GRM7: variants seen among roughly 807,000 people sequenced by gnomAD.
The protein encoded by GRM7 is glutamate metabotropic receptor 7, also known as metabotropic glutamate receptor 7.
Under a neutral mutation model 84.5 loss-of-function variants are expected in GRM7, and 35 were observed. The observed-to-expected ratio is 0.41, with a 90% confidence interval of 0.32 to 0.55. The LOEUF is 0.55. GRM7 is among the 20% of genes least tolerant of loss of function. The pLI is 0.19. For synonymous variants in GRM7, 487 were observed against 455.1 expected (o/e 1.07, Z -0.89); for missense variants, 1,003 against 1,194.6 (o/e 0.84, Z 2.36).
intron 1 of GRM7, among the ~76,000 whole-genome samples, chr3:6,991,754 T>C (rs1259135309): frequency 6.6e-6 from 1 of 152,128 alleles, no homozygotes; most frequent in Non-Finnish European, 1.5e-5. Flanking sequence ...ATTCTGTTAG[T>C]TACCATTTGT....
At chr3:7,041,095 A>T (rs2124941129) in intron 1 of GRM7, among the ~76,000 whole-genome samples, 1 of 152,154 alleles carries the variant, frequency 6.6e-6, no homozygotes, top group Non-Finnish European at 1.5e-5. Context: ...AAAAAAAAAA[A>T]AAAAATTATG....
rs1452042201 is a variant in GRM7, at chr3:7,696,844, T to A, written c.2698+16549T>A. 2.0e-5 allele frequency among the ~76,000 whole-genome samples: 3 copies of A among 152,180 alleles called. No individual in the cohort carries two copies. In the East Asian group the frequency reaches 5.8e-4, roughly 29 times the overall value. Reference sequence around the variant, plus strand: ...CGTGAACAGTTAATAATGTTTTACATTAGCTAGAGGAGTTTCTGCTGTCAA... The same window carrying A: ...CGTGAACAGTTAATAATGTTTTACAATAGCTAGAGGAGTTTCTGCTGTCAA... On this transcript the variant is annotated intron_variant, in intron 9 of 9. Coordinates refer to ENST00000357716, the MANE Select transcript of GRM7 (RefSeq NM_000844.4).
intron 1 of GRM7, among the ~76,000 whole-genome samples, chr3:7,055,687 C>T (rs566198126): frequency 2.0e-5 from 3 of 151,772 alleles, no homozygotes; most frequent in African/African-American, 7.2e-5. Flanking sequence ...CATCCAGCAA[C>T]TTTTTGTATT....
chr3:6,911,198 T>A (rs1165515531), intron 1 of GRM7, among the ~76,000 whole-genome samples: 1 of 152,148 alleles, frequency 6.6e-6, no homozygotes, highest in African/African-American at 2.4e-5. Flanking sequence ...CACATTCAAA[T>A]AATTTTTTCT....
At chr3:7,065,101 A>G (rs528037086) in intron 1 of GRM7, among the ~76,000 whole-genome samples, 37 of 151,972 alleles carry the variant, frequency 2.4e-4, no homozygotes, top group African/African-American at 8.7e-4. Context: ...CCTTTGTCAG[A>G]TGTACAGATT....
intron 1 of GRM7, among the ~76,000 whole-genome samples, chr3:7,048,140 A>G (rs1460847961): frequency 6.6e-6 from 1 of 151,890 alleles, no homozygotes. Flanking sequence ...TATATTTTTA[A>G]TTATTTCTGA....
intron 2 of GRM7, among the ~76,000 whole-genome samples, chr3:7,261,698 T>C (rs1409886739): frequency 1.3e-5 from 2 of 152,254 alleles, no homozygotes; most frequent in Non-Finnish European, 2.9e-5. Context: ...CTGGTCTGTG[T>C]ACTTACGTGT....
At chr3:7,668,469 C>T (rs778911828) in intron 8 of GRM7, among the ~76,000 whole-genome samples, 15 of 152,238 alleles carry the variant, frequency 9.9e-5, no homozygotes, top group Non-Finnish European at 1.8e-4. Context: ...CTTTCTCTCT[C>T]TCTCTTTTAC....
Position 7,579,096 on chromosome 3 carries a change from A to C in GRM7, c.2190A>C (p.Ile730=), listed in dbSNP as rs1695112589. The C allele has an allele frequency of 3.1e-6, 5 of 1,613,980 alleles. No homozygotes were observed. The highest frequency in any genetic ancestry group is 2.5e-6 in the Non-Finnish European group (3 of 1,179,892). The part of the protein sequence containing the change: ...WFGVDPPNII[I]DYDEHKTMNP... ...GTGTTGATCCACCCAACATCATCAT[A>C]GACTATGATGAACACAAGACAATGA... The change falls in exon 8 of 10, where the codon ATA becomes ATC. Residue 730 remains isoleucine, a synonymous_variant. Coordinates refer to ENST00000357716, the MANE Select transcript of GRM7 (RefSeq NM_000844.4).
At chr3:6,912,758 A>G (rs1470553025) in intron 1 of GRM7, among the ~76,000 whole-genome samples, 8 of 152,196 alleles carry the variant, frequency 5.3e-5, no homozygotes, top group Non-Finnish European at 1.0e-4. Context: ...CCTAGAAAAA[A>G]TGCTAAAATA....
intron 7 of GRM7, among the ~76,000 whole-genome samples, chr3:7,522,041 G>A (rs1481940670): frequency 1.3e-5 from 2 of 152,042 alleles, no homozygotes; most frequent in East Asian, 3.9e-4. Flanking sequence ...ACTCATATAG[G>A]GTTCCAGCTG....
At chr3:7,299,933 G>A (rs1344977332) in intron 3 of GRM7, among the ~76,000 whole-genome samples, 1 of 151,732 alleles carries the variant, frequency 6.6e-6, no homozygotes, top group East Asian at 1.9e-4. Context: ...TCTACAATGT[G>A]TTATGCAATG....
At position 7,175,347 on chromosome 3, in the gene GRM7, T is replaced by C. The variant is rs113897767; in HGVS notation, c.736+28679T>C. On this transcript the variant is annotated intron_variant, in intron 2 of 9. Transcript: ENST00000357716. ...TTTTATAATATTTAATAATTTTACA[T>C]TCTGAGTTATTTATTCATGTTTTAA... is the stretch of plus-strand genomic sequence containing the variant. Among the ~76,000 whole-genome samples, 663 of 152,324 alleles carry C rather than the reference T, an allele frequency of 4.4e-3. 5 individuals carry two copies. The highest frequency in any genetic ancestry group is 0.015 in the African/African-American group (629 of 41,576).
chr3:7,167,320 A>G (rs879625567), intron 2 of GRM7, among the ~76,000 whole-genome samples: 1 of 152,164 alleles, frequency 6.6e-6, no homozygotes, highest in Non-Finnish European at 1.5e-5. Context: ...CCTCATCAGT[A>G]TGTTGTGATG....
chr3:6,917,778 G>GA (rs1156572027), intron 1 of GRM7, among the ~76,000 whole-genome samples: 4 of 152,090 alleles, frequency 2.6e-5, no homozygotes, highest in Non-Finnish European at 4.4e-5. Flanking sequence ...ATGAAGTTCA[G>GA]AAAAAAATGT....
intron 1 of GRM7, among the ~76,000 whole-genome samples, chr3:7,111,076 C>G (rs1472615955): frequency 4.6e-5 from 7 of 152,030 alleles, no homozygotes; most frequent in Admixed American, 4.6e-4. Flanking sequence ...GAGAAATTGA[C>G]TGATGTGGGG....
chr3:7,402,799 G>C (rs1020471641), intron 4 of GRM7, among the ~76,000 whole-genome samples: 1 of 111,706 alleles, frequency 9.0e-6, no homozygotes, highest in South Asian at 2.6e-4. Flanking sequence ...TTTGAGTGTT[G>C]TTTTCCTTTT....
chr3:7,314,275 C>G (rs906418161), intron 4 of GRM7, among the ~76,000 whole-genome samples: 8 of 152,154 alleles, frequency 5.3e-5, no homozygotes, highest in Admixed American at 5.2e-4. Context: ...AACTTTCTCC[C>G]TAAGTTATCG....
intron 9 of GRM7, among the ~76,000 whole-genome samples, chr3:7,698,634 C>T (rs1206137602): frequency 6.6e-6 from 1 of 152,132 alleles, no homozygotes; most frequent in Non-Finnish European, 1.5e-5. Context: ...TCAACCATGG[C>T]ACTACTGACA....
Sources: gnomAD v4.1 joint callset for allele counts (sites outside exome capture counted in the v4.1 genomes callset) on GRCh38, gnomAD v4.1.1 for gene constraint, MANE v1.5 for transcripts, NCBI Gene and HGNC (gene_info 2026-07-23, HGNC 2026-07-21) for gene names.